The following BCAS3 variants were observed in gnomAD, a reference collection of about 807,000 sequenced individuals.
BCAS3 encodes BCAS4/BCAS3 fusion.
In BCAS3, 53 loss-of-function variants were observed where a neutral mutation model predicts 116.1. That is an observed-to-expected ratio of 0.46 (90% CI 0.37 to 0.57). BCAS3 has a LOEUF of 0.57. Among genes scored for constraint, BCAS3 ranks in the 20% least tolerant of loss-of-function variants. The pLI is 0.00. For synonymous variants in BCAS3, 391 were observed against 408.2 expected, an observed-to-expected ratio of 0.96 and a Z score of 0.51; for missense variants, 917 against 1,165.4, an observed-to-expected ratio of 0.79 and a Z score of 3.10.
intron 5 of BCAS3, among the ~76,000 whole-genome samples, chr17:60,714,765 G>A (rs564742102): frequency 1.7e-4 from 26 of 151,094 alleles, no homozygotes; most frequent in Non-Finnish European, 3.3e-4. Context: ...GAACTTAGAT[G>A]ATGTCTAGGA....
chr17:61,365,057 T>C lies in BCAS3; in HGVS notation c.2426-3270T>C, dbSNP rs976676522. Among the ~76,000 whole-genome samples the C allele has an allele frequency of 6.6e-6, 1 of 152,226 alleles. No individual in the cohort carries two copies. Among genetic ancestry groups the C allele is most frequent in the African/African-American group, 2.4e-5 (1 of 41,468 alleles). On this transcript the variant is annotated intron_variant, in intron 22 of 23. Transcript: ENST00000407086. This position sits in a 1 kb window ranked among gnomAD's most constrained non-coding sequence, Gnocchi z 4.6. ...GGTCTTTTACATTTATCTACTGCAGTCCTCACAACAATCCTATGTGGTTGT... is the reference window on the plus strand; with the variant it reads ...GGTCTTTTACATTTATCTACTGCAGCCCTCACAACAATCCTATGTGGTTGT...
At chr17:60,940,711 T>C (rs888586073) in intron 13 of BCAS3, among the ~76,000 whole-genome samples, 1 of 152,240 alleles carries the variant, frequency 6.6e-6, no homozygotes, top group East Asian at 1.9e-4. Context: ...AATTCTTTTA[T>C]GAATGATATA....
Position 61,189,255 on chromosome 17 carries a change from T to C in BCAS3, c.2425+104691T>C, listed in dbSNP as rs1309852796. On this transcript the variant is annotated intron_variant, in intron 22 of 23. Transcript: ENST00000407086. The surrounding 1 kb of genome is among the most constrained non-coding windows in gnomAD (Gnocchi z 4.5). ...TCTGTAGAAGTACACCTGGGAGAAG[T>C]GTAATAGCAATCTAGGTAGAGAAGA... Among the ~76,000 whole-genome samples, 2 of 152,076 alleles carry C rather than the reference T, an allele frequency of 1.3e-5. No individual in the cohort carries two copies. Among genetic ancestry groups the C allele is most frequent in the African/African-American group, 4.8e-5 (2 of 41,406 alleles).
intron 22 of BCAS3, among the ~76,000 whole-genome samples, chr17:61,169,679 CAT>C (rs1356676646): frequency 6.6e-6 from 1 of 152,138 alleles, no homozygotes; most frequent in Non-Finnish European, 1.5e-5. Context: ...ATTTGTTAAA[CAT>C]ATTTTAAAGA....
chr17:61,388,907 A>G lies in BCAS3; in HGVS notation c.2594-3070A>G. On this transcript the variant is annotated intron_variant, in intron 23 of 23. Coordinates refer to ENST00000407086, the MANE Select transcript of BCAS3 (RefSeq NM_017679.5). This position sits in a 1 kb window ranked among gnomAD's most constrained non-coding sequence, Gnocchi z 6.5. ...CTGCCCCGGGGCCAGCAGGCCCCCGATTCTTTCAGTTAGTCTGTGTTGAAG... is the reference window on the plus strand; with the variant it reads ...CTGCCCCGGGGCCAGCAGGCCCCCGGTTCTTTCAGTTAGTCTGTGTTGAAG... 1 of 571,314 alleles carries G rather than the reference A, an allele frequency of 1.8e-6. No individual in the cohort carries two copies. The highest frequency in any genetic ancestry group is 3.1e-6 in the Non-Finnish European group (1 of 323,130). 35.4% of individuals were successfully genotyped at this position (571,314 alleles called of 1,614,324 possible).
chr17:60,949,750 AATT>A (rs575391814), intron 14 of BCAS3, among the ~76,000 whole-genome samples: 1 of 152,206 alleles, frequency 6.6e-6, no homozygotes, highest in Admixed American at 6.5e-5. Context: ...ATATACAATA[AATT>A]ATTGTTAACT....
rs753890575 is a variant in BCAS3, at chr17:61,078,558, G to T, written c.2327+29G>T. ...GGAAATGAGAATTAGGGAGTGATTT[G>T]AACAAAAGGATTAATATGTTCGTGT... On this transcript the variant is annotated intron_variant, in intron 21 of 23. Transcript: ENST00000407086. 8 of 1,561,692 alleles carry T rather than the reference G, an allele frequency of 5.1e-6. No homozygotes were observed. The African/African-American group carries it at 8.2e-5, about 16-fold the overall frequency.
intron 4 of BCAS3, among the ~76,000 whole-genome samples, chr17:60,690,071 T>C (rs989547867): frequency 6.6e-6 from 1 of 152,212 alleles, no homozygotes; most frequent in Non-Finnish European, 1.5e-5. Flanking sequence ...TTATATAAGA[T>C]TTATAACTGC....
At position 61,038,006 on chromosome 17, in the gene BCAS3, C is replaced by T. The variant is rs769279541; in HGVS notation, c.1880C>T (p.Thr627Ile). 3 of 1,614,194 alleles carry T rather than the reference C, an allele frequency of 1.9e-6. No homozygotes were observed. Among genetic ancestry groups the T allele is most frequent in the East Asian group, 4.5e-5 (2 of 44,876 alleles). The change falls in exon 18 of 24, where the codon ACA becomes ATA. Residue 627 changes from threonine to isoleucine, a missense_variant. Transcript: ENST00000407086. ...ACTGCACCCAAGATTAGTGACGACA[C>T]ACCACTGGAAATGATGACATCGCCT... ...LSTAPKISDD[T>I]PLEMMTSPRA...
chr17:61,066,738 C>T (rs896590980), intron 19 of BCAS3, among the ~76,000 whole-genome samples: 5 of 151,872 alleles, frequency 3.3e-5, no homozygotes, highest in Admixed American at 6.6e-5. Flanking sequence ...GAATTTGATT[C>T]CATAAAATTG....
intron 8 of BCAS3, among the ~76,000 whole-genome samples, chr17:60,871,936 A>G (rs1288839257): frequency 6.6e-6 from 1 of 151,324 alleles, no homozygotes; most frequent in Non-Finnish European, 1.5e-5. Context: ...TTGTTATTCT[A>G]TTTTTCTTAA....
intron 4 of BCAS3, among the ~76,000 whole-genome samples, chr17:60,692,402 C>T (rs7214512): frequency 5.3e-5 from 8 of 151,962 alleles, no homozygotes; most frequent in East Asian, 1.9e-4. Context: ...CCACCATGCC[C>T]GACTAATTTT....
intron 19 of BCAS3, among the ~76,000 whole-genome samples, chr17:61,054,962 G>A (rs2069227137): frequency 6.6e-6 from 1 of 152,150 alleles, no homozygotes; most frequent in Admixed American, 6.5e-5. Context: ...AAGCCTGTAG[G>A]CTATCAGAAC....
intron 7 of BCAS3, among the ~76,000 whole-genome samples, chr17:60,830,326 C>A (rs9897259): frequency 0.22 from 33,318 of 152,066 alleles, 4,715 homozygotes; most frequent in African/African-American, 0.41. Flanking sequence ...TGTTTGAGAA[C>A]TGTAAAACTA....
At chr17:60,904,360 C>T (rs1157997286) in intron 11 of BCAS3, among the ~76,000 whole-genome samples, 3 of 151,976 alleles carry the variant, frequency 2.0e-5, no homozygotes, top group Admixed American at 6.6e-5. Flanking sequence ...GCTGAGATCA[C>T]GCCACTGTAC....
In BCAS3 at chr17:61,056,441, C is replaced by T. The variant is rs368328457; in HGVS notation, c.2029+15549C>T. 6.6e-5 allele frequency among the ~76,000 whole-genome samples: 10 copies of T among 151,718 alleles called. No individual in the cohort carries two copies. The highest frequency in any genetic ancestry group is 1.3e-4 in the Non-Finnish European group (9 of 67,930). On this transcript the variant is annotated intron_variant, in intron 19 of 23. Transcript: ENST00000407086. The surrounding 1 kb of genome is among the most constrained non-coding windows in gnomAD (Gnocchi z 4.9). The stretch of plus-strand genomic sequence containing the variant: ...TTATTTTGCAAGTCATATGAAGAAA[C>T]GTTAAGAGGCAAATTAAAATTTTAA...
At position 61,380,459 on chromosome 17, in the gene BCAS3, G is replaced by T; in HGVS notation, c.2594-11518G>T. 6.5e-7 allele frequency: 1 copy of T among 1,543,810 alleles called. No individual in the cohort carries two copies. Among genetic ancestry groups the T allele is most frequent in the Non-Finnish European group, 8.8e-7 (1 of 1,134,016 alleles). On this transcript the variant is annotated intron_variant, in intron 23 of 23. Coordinates refer to ENST00000407086, the MANE Select transcript of BCAS3 (RefSeq NM_017679.5). This position sits in a 1 kb window ranked among gnomAD's most constrained non-coding sequence, Gnocchi z 4.2. ...CTCAGCTCTTCCTGCTCTCTTAAAG[G>T]TCCAGTTTGTGATCCGCTTTAAAGG...
Position 61,366,068 on chromosome 17 carries a change from A to G in BCAS3, c.2426-2259A>G, listed in dbSNP as rs1244171665. On this transcript the variant is annotated intron_variant, in intron 22 of 23. Coordinates refer to ENST00000407086, the MANE Select transcript of BCAS3 (RefSeq NM_017679.5). The surrounding 1 kb of genome is among the most constrained non-coding windows in gnomAD (Gnocchi z 4.5). ...TGAGACACGAGAATCGCCTGGACCC[A>G]GGAGGCAGAGGTTGCCGTGAGCCAA... Among the ~76,000 whole-genome samples, 1 of 151,762 alleles carries G rather than the reference A, an allele frequency of 6.6e-6. No homozygotes were observed. Among genetic ancestry groups the G allele is most frequent in the Non-Finnish European group, 1.5e-5 (1 of 67,974 alleles).
intron 22 of BCAS3, among the ~76,000 whole-genome samples, chr17:61,110,177 T>G (rs2143725565): frequency 6.6e-6 from 1 of 152,348 alleles, no homozygotes; most frequent in East Asian, 1.9e-4. Flanking sequence ...GGCTTGCCAA[T>G]TATCCTAGCA....
Sources: gnomAD v4.1 joint callset for allele counts (sites outside exome capture counted in the v4.1 genomes callset) on GRCh38, gnomAD v4.1.1 for gene constraint, Gnocchi (gnomAD v3.1) non-coding constraint, MANE v1.5 for transcripts, NCBI Gene and HGNC (gene_info 2026-07-23, HGNC 2026-07-21) for gene names.